DPYS: variants seen among roughly 807,000 people sequenced by gnomAD.
DPYS encodes dihydropyrimidinase, also known as dihydropyrimidine amidohydrolase.
In DPYS, 39 loss-of-function variants were observed where a neutral mutation model predicts 50.3. The observed-to-expected ratio is 0.78, with a 90% CI of 0.60 to 1.01. DPYS has a LOEUF of 1.01. DPYS is among the 50% of genes least tolerant of loss of function. The pLI, the probability that DPYS is intolerant of heterozygous loss-of-function variation, is 0.00. For synonymous variants in DPYS, 245 were observed against 250.7 expected (o/e 0.98, Z 0.22); for missense variants, 659 against 680.9 (o/e 0.97, Z 0.36).
At chr8:104,438,913 T>G (rs1267044650) in intron 4 of DPYS, among the ~76,000 whole-genome samples, 2 of 151,784 alleles carry the variant, frequency 1.3e-5, no homozygotes, top group East Asian at 3.9e-4. Flanking sequence ...TACAAGAAAT[T>G]TAAAAATTAG....
At chr8:104,407,681 T>C in intron 7 of DPYS, among the ~76,000 whole-genome samples, 1 of 152,256 alleles carries the variant, frequency 6.6e-6, no homozygotes, top group Admixed American at 6.5e-5. Flanking sequence ...TGCCATATTT[T>C]AGGAATTGGA....
At chr8:104,428,410 G>A (rs1208839499) in intron 5 of DPYS, among the ~76,000 whole-genome samples, 1 of 152,190 alleles carries the variant, frequency 6.6e-6, no homozygotes. Context: ...GAGCTTGTCC[G>A]AGACTCCATT....
intron 7 of DPYS, among the ~76,000 whole-genome samples, chr8:104,396,740 G>A (rs1055370113): frequency 2.7e-5 from 4 of 149,426 alleles, no homozygotes; most frequent in Non-Finnish European, 5.9e-5. Context: ...CAGTGTTCTT[G>A]TTATACTGTT....
chr8:104,447,502 A>C lies in DPYS; in HGVS notation c.425T>G (p.Val142Gly). The change falls in exon 3 of 10, where the codon GTT becomes GGT. Residue 142 changes from valine to glycine, a missense_variant and splice_region_variant. Val to Gly is a moderately radical substitution (Grantham distance 109). Transcript: ENST00000351513. ...HVAVTWWSDQ[V>G]KEEMKILVQD... is the part of the protein sequence containing the mutation. ...CACAAGGATTTTCATTTCTTCTTTA[A>C]CCTAAAAGGAAGCAGCAACCATAAC... 1 of 1,614,112 alleles carries C rather than the reference A, an allele frequency of 6.2e-7. No individual in the cohort carries two copies. The highest frequency in any genetic ancestry group is 8.5e-7 in the Non-Finnish European group (1 of 1,180,006).
chr8:104,429,688 A>G lies in DPYS; in HGVS notation c.807T>C (p.Tyr269=). Residue 269 remains tyrosine (Y), a synonymous_variant, in exon 5 of 10, where the codon TAT becomes TAC. Coordinates refer to ENST00000351513, the MANE Select transcript of DPYS (RefSeq NM_001385.3). ...ADARRDGKVV[Y]GEPIAASLGT... is the part of the protein sequence containing the mutation. Reference sequence around the variant, plus strand: ...CAAGACTGGCTGCTATGGGTTCACCATAGACCACCTTCCCTGGAAAGATTA... The same window carrying G: ...CAAGACTGGCTGCTATGGGTTCACCGTAGACCACCTTCCCTGGAAAGATTA... 6.2e-7 allele frequency: 1 copy of G among 1,614,156 alleles called. No homozygotes were observed.
At chr8:104,408,225 A>T (rs1429805754) in intron 7 of DPYS, among the ~76,000 whole-genome samples, 1 of 152,268 alleles carries the variant, frequency 6.6e-6, no homozygotes, top group African/African-American at 2.4e-5. Flanking sequence ...TAATAGTAAC[A>T]TGCTTGTAGT....
chr8:104,397,127 G>A (rs571344894), intron 7 of DPYS, among the ~76,000 whole-genome samples: 96 of 152,234 alleles, frequency 6.3e-4, no homozygotes, highest in Non-Finnish European at 1.1e-3. Context: ...ACATGAAGTT[G>A]TCTTTTCCCT....
intron 4 of DPYS, among the ~76,000 whole-genome samples, chr8:104,430,910 C>G (rs781702578): frequency 2.6e-5 from 4 of 152,148 alleles, no homozygotes; most frequent in Non-Finnish European, 5.9e-5. Flanking sequence ...TGCCCTATCC[C>G]CAGAAAAGGA....
intron 4 of DPYS, among the ~76,000 whole-genome samples, chr8:104,442,793 G>A (rs764832655): frequency 3.3e-5 from 5 of 152,168 alleles, no homozygotes; most frequent in Admixed American, 6.6e-5. Context: ...ACCATGCAGC[G>A]GGTCATGCTT....
chr8:104,428,207 G>C (rs1341804458), intron 5 of DPYS, 86 bp from the exon 6 acceptor site: 1 of 1,567,894 alleles, frequency 6.4e-7, no homozygotes, highest in African/African-American at 1.4e-5. Context: ...TAATCTCCTG[G>C]CTCCCTTCTC....
intron 1 of DPYS, among the ~76,000 whole-genome samples, chr8:104,459,572 G>A (rs1465385520): frequency 1.3e-5 from 2 of 152,200 alleles, no homozygotes; most frequent in African/African-American, 2.4e-5. Flanking sequence ...GATGGCAGTT[G>A]AGACTCTAGA....
At chr8:104,420,316 A>T (rs984654933) in intron 7 of DPYS, 5 of 152,204 alleles carry the variant, frequency 3.3e-5, no homozygotes, top group African/African-American at 1.2e-4. Flanking sequence ...GCCAGCCCAG[A>T]TGAGCAACTT....
intron 3 of DPYS, among the ~76,000 whole-genome samples, chr8:104,446,466 C>T (rs1813534541): frequency 6.6e-6 from 1 of 152,312 alleles, no homozygotes; most frequent in Non-Finnish European, 1.5e-5. Context: ...CCCAATCCAA[C>T]CCACTAAATG....
chr8:104,464,562 A>G (rs1305873099), intron 1 of DPYS, among the ~76,000 whole-genome samples: 1 of 152,266 alleles, frequency 6.6e-6, no homozygotes, highest in Non-Finnish European at 1.5e-5. Flanking sequence ...ATGCCCTGCC[A>G]TCAGCAAAGC....
At chr8:104,381,053 T>C in intron 9 of DPYS, 131 bp downstream of exon 9, 1 of 780,088 alleles carries the variant, frequency 1.3e-6, no homozygotes, top group South Asian at 1.5e-5. Context: ...CAATCTTCCC[T>C]TGGCTCAATT....
rs1483367083 is a variant in DPYS at position 104,422,769 on chromosome 8, C to A, written c.1235+1478G>T. 6.6e-5 allele frequency among the ~76,000 whole-genome samples: 10 copies of A among 152,212 alleles called. No individual in the cohort carries two copies. The South Asian group carries it at 2.1e-3, about 32-fold the overall frequency. ...CCACAAGTTATTTCAAAAGGTCTGCCTGGTCCCAGCCCTTGAAGCAGCCTA... is the reference window on the plus strand; with the variant it reads ...CCACAAGTTATTTCAAAAGGTCTGCATGGTCCCAGCCCTTGAAGCAGCCTA... On this transcript the variant is annotated intron_variant, in intron 7 of 9. Coordinates refer to ENST00000351513, the MANE Select transcript of DPYS (RefSeq NM_001385.3).
chr8:104,416,686 C>G (rs1446274977), intron 7 of DPYS, among the ~76,000 whole-genome samples: 1 of 151,964 alleles, frequency 6.6e-6, no homozygotes, highest in African/African-American at 2.4e-5. Flanking sequence ...TGCACGCTTT[C>G]TTTGAGGAAG....
At chr8:104,397,222 T>A (rs930181071) in intron 7 of DPYS, among the ~76,000 whole-genome samples, 10 of 152,224 alleles carry the variant, frequency 6.6e-5, no homozygotes, top group African/African-American at 2.2e-4. Flanking sequence ...CCTGACGACA[T>A]GGGGTGAAAC....
At chr8:104,387,721 T>C (rs925659086) in intron 8 of DPYS, among the ~76,000 whole-genome samples, 1 of 152,220 alleles carries the variant, frequency 6.6e-6, no homozygotes, top group African/African-American at 2.4e-5. Flanking sequence ...TAAAGTGTGC[T>C]TGGAACATAA....
Sources: gnomAD v4.1 joint callset for allele counts (sites outside exome capture counted in the v4.1 genomes callset) on GRCh38, gnomAD v4.1.1 for gene constraint, MANE v1.5 for transcripts, NCBI Gene and HGNC (gene_info 2026-07-23, HGNC 2026-07-21) for gene names.